The following BMP6 variants were observed in gnomAD, a reference collection of about 807,000 sequenced individuals.
BMP6 encodes the protein bone morphogenetic protein 6.
BMP6 carries 17 observed loss-of-function variants against 54.1 expected under a neutral mutation model. The ratio of observed to expected loss-of-function variants is 0.31; its 90% CI spans 0.22 to 0.47. The LOEUF (loss-of-function observed/expected upper bound fraction) is 0.47. Among genes scored for constraint, BMP6 ranks in the 20% least tolerant of loss-of-function variants. The pLI is 1.00. For synonymous variants in BMP6, 328 were observed against 291.2 expected, an observed-to-expected ratio of 1.13 and a Z score of -1.28; for missense variants, 720 against 690.4, an observed-to-expected ratio of 1.04 and a Z score of -0.48.
intron 1 of BMP6, among the ~76,000 whole-genome samples, chr6:7,817,513 GA>G (rs1403371544): frequency 2.2e-5 from 3 of 135,708 alleles, no homozygotes; most frequent in Admixed American, 1.7e-4. Flanking sequence ...TCATAGGTGG[GA>G]ATTGAACAAT....
At chr6:7,727,817 G>A (rs1186061371) in intron 1 of BMP6, among the ~76,000 whole-genome samples, 198 bp downstream of exon 1, 1 of 151,358 alleles carries the variant, frequency 6.6e-6, no homozygotes, top group African/African-American at 2.4e-5. Context: ...CGCGCCGCGG[G>A]CAGGGCTGCG....
chr6:7,784,962 C>T (rs1758000841), intron 1 of BMP6, among the ~76,000 whole-genome samples: 1 of 152,154 alleles, frequency 6.6e-6, no homozygotes. Flanking sequence ...GGGGAAGCCC[C>T]TAGAACTTTT....
At chr6:7,868,674 A>C (rs1298015266) in intron 4 of BMP6, among the ~76,000 whole-genome samples, 1 of 152,268 alleles carries the variant, frequency 6.6e-6, no homozygotes, top group Non-Finnish European at 1.5e-5. Context: ...GCCTGAGCTC[A>C]GGAAAGCTGG....
intron 1 of BMP6, among the ~76,000 whole-genome samples, chr6:7,807,278 TTTTTTGTTTGTTTG>T (rs1298014457): frequency 6.6e-6 from 1 of 151,914 alleles, no homozygotes; most frequent in Non-Finnish European, 1.5e-5. Flanking sequence ...GACCTCGTTG[TTTTTTGTTTGTTTG>T]TTTTTGTTTT....
rs966878658 is a variant in BMP6, at chr6:7,834,185, C to T, written c.665-10955C>T. 3.6e-3 allele frequency among the ~76,000 whole-genome samples: 383 copies of T among 107,608 alleles called. 4 individuals are homozygous for T. Among genetic ancestry groups the T allele is most frequent in the African/African-American group, 0.013 (361 of 28,702 alleles). 70.6% of individuals were successfully genotyped at this position (107,608 alleles called of 152,430 possible). ...GTGGTGTTCCTCACAAGAACAAATGCTTTTTTTTTTTTTTTTTTTTAGGAA... is the reference window on the plus strand; with the variant it reads ...GTGGTGTTCCTCACAAGAACAAATGTTTTTTTTTTTTTTTTTTTTTAGGAA... On this transcript the variant is annotated intron_variant, in intron 1 of 6. Coordinates refer to ENST00000283147, the MANE Select transcript of BMP6 (RefSeq NM_001718.6).
At chr6:7,843,648 A>G (rs1759013939) in intron 1 of BMP6, among the ~76,000 whole-genome samples, 1 of 152,080 alleles carries the variant, frequency 6.6e-6, no homozygotes, top group Non-Finnish European at 1.5e-5. Context: ...ACGAACAGGA[A>G]CAGCAAGGCA....
chr6:7,753,329 C>T (rs1162678772), intron 1 of BMP6, among the ~76,000 whole-genome samples: 1 of 152,156 alleles, frequency 6.6e-6, no homozygotes, highest in Non-Finnish European at 1.5e-5. Context: ...AATTGTTGTT[C>T]CTGGTTGAAA....
At chr6:7,844,736 G>A (rs1759032613) in intron 1 of BMP6, among the ~76,000 whole-genome samples, 1 of 152,072 alleles carries the variant, frequency 6.6e-6, no homozygotes, top group African/African-American at 2.4e-5. Flanking sequence ...GGGGCCAGGA[G>A]GACATAACGG....
At position 7,785,500 on chromosome 6, in the gene BMP6, G is replaced by A. The variant is rs114481272; in HGVS notation, c.664+57881G>A. Among the ~76,000 whole-genome samples the A allele has an allele frequency of 2.4e-3, 368 of 152,310 alleles. 5 individuals are homozygous for A. The highest frequency in any genetic ancestry group is 8.5e-3 in the African/African-American group (353 of 41,560). ...CTGTCATTTTGAGTGATGAGAAACT[G>A]GGAAAGGCGTCCTTCACTGACATAG... On this transcript the variant is annotated intron_variant, in intron 1 of 6. Transcript: ENST00000283147.
chr6:7,822,548 G>T (rs1258748062), intron 1 of BMP6, among the ~76,000 whole-genome samples: 1 of 152,072 alleles, frequency 6.6e-6, no homozygotes, highest in Non-Finnish European at 1.5e-5. Flanking sequence ...ATTTCTGTGG[G>T]TTTTATTTCT....
intron 1 of BMP6, among the ~76,000 whole-genome samples, chr6:7,740,610 C>G (rs868437259): frequency 6.6e-6 from 1 of 152,146 alleles, no homozygotes; most frequent in African/African-American, 2.4e-5. Flanking sequence ...CAGCACAGAT[C>G]TATTAACAAG....
chr6:7,837,725 C>T (rs1026794921), intron 1 of BMP6, among the ~76,000 whole-genome samples: 2 of 151,914 alleles, frequency 1.3e-5, no homozygotes, highest in Non-Finnish European at 2.9e-5. Context: ...CCAAAATCTC[C>T]GAACCCACCA....
chr6:7,825,810 C>A (rs1230102224), intron 1 of BMP6, among the ~76,000 whole-genome samples: 2 of 152,190 alleles, frequency 1.3e-5, no homozygotes, highest in African/African-American at 4.8e-5. Flanking sequence ...GTACACACCC[C>A]TTCTTCCAAC....
intron 1 of BMP6, among the ~76,000 whole-genome samples, chr6:7,830,763 A>G (rs993902844): frequency 6.6e-6 from 1 of 152,184 alleles, no homozygotes; most frequent in Non-Finnish European, 1.5e-5. Context: ...TTATGAAATC[A>G]TCAGATCTCA....
At chr6:7,785,440 T>C (rs149673473) in intron 1 of BMP6, among the ~76,000 whole-genome samples, 105 of 152,304 alleles carry the variant, frequency 6.9e-4, no homozygotes, top group African/African-American at 2.4e-3. Flanking sequence ...CACAGTAAGA[T>C]TGGTTGTGTT....
At chr6:7,774,250 AC>A (rs1246756598) in intron 1 of BMP6, among the ~76,000 whole-genome samples, 2 of 152,176 alleles carry the variant, frequency 1.3e-5, no homozygotes, top group African/African-American at 4.8e-5. Context: ...TCTGCCTTCC[AC>A]CCAAGAAAGC....
At chr6:7,794,604 GA>G (rs58889692) in intron 1 of BMP6, among the ~76,000 whole-genome samples, 129 of 119,208 alleles carry the variant, frequency 1.1e-3, no homozygotes, top group Middle Eastern at 5.0e-3. Flanking sequence ...TGTCCCAAAA[GA>G]AAAAAAAAAA....
At chr6:7,802,905 C>T (rs1038004323) in intron 1 of BMP6, among the ~76,000 whole-genome samples, 10 of 152,192 alleles carry the variant, frequency 6.6e-5, no homozygotes, top group African/African-American at 1.9e-4. Flanking sequence ...CTCATTTATT[C>T]GTTCACCGAA....
chr6:7,837,591 T>C (rs1238170325), intron 1 of BMP6, among the ~76,000 whole-genome samples: 1 of 152,090 alleles, frequency 6.6e-6, no homozygotes, highest in Non-Finnish European at 1.5e-5. Flanking sequence ...GGAGCTAAGC[T>C]ATGAGGATGC....
Sources: allele counts gnomAD v4.1 joint callset (sites outside exome capture counted in the v4.1 genomes callset), GRCh38; gene constraint gnomAD v4.1.1; transcripts MANE v1.5; gene names NCBI Gene and HGNC (gene_info 2026-07-23, HGNC 2026-07-21).